The following UGT3A2 variants were observed in gnomAD, a reference collection of about 807,000 sequenced individuals.
UGT3A2 encodes the protein UDP-glycosyltransferase 3A2.
UGT3A2 carries 32 observed loss-of-function variants against 39.8 expected under a neutral mutation model. That is an observed-to-expected ratio of 0.80 (90% CI 0.61 to 1.08). UGT3A2 has a LOEUF of 1.08. UGT3A2 is among the 50% of genes least tolerant of loss of function. UGT3A2 has a pLI of 0.00. For missense variants in UGT3A2, 611 were observed against 637.1 expected (o/e 0.96, Z 0.44); for synonymous variants, 241 against 230.7 (o/e 1.04, Z -0.40).
At chr5:36,041,884 A>G (rs77007825) in intron 4 of UGT3A2, among the ~76,000 whole-genome samples, 6,057 of 152,190 alleles carry the variant, frequency 0.04, 191 homozygotes, top group East Asian at 0.12. Context: ...ATCCAGGAAA[A>G]CATGACTTCA....
chr5:36,061,565 T>C (rs1742705590), intron 2 of UGT3A2, among the ~76,000 whole-genome samples: 1 of 151,536 alleles, frequency 6.6e-6, no homozygotes, highest in South Asian at 2.1e-4. Flanking sequence ...ACAAAGGACA[T>C]GAACTCATCA....
chr5:36,064,760 TA>T (rs1229992377), intron 1 of UGT3A2, among the ~76,000 whole-genome samples: 9 of 152,302 alleles, frequency 5.9e-5, no homozygotes, highest in Admixed American at 1.3e-4. Flanking sequence ...GAATAGTTCC[TA>T]AAAAACAATG....
rs149589579 is a variant in UGT3A2, at chr5:36,064,590, G to A, written c.95-240C>T. Among the ~76,000 whole-genome samples the A allele has an allele frequency of 4.7e-4, 72 of 152,226 alleles. 1 individual carries two copies. Among genetic ancestry groups the A allele is most frequent in the African/African-American group, 1.6e-3 (65 of 41,518 alleles). ...TGAGAGATTGCCTCTTGTGAATCAC[G>A]GTATCCATGTCAGTGTAATGAGCTA... On this transcript the variant is annotated intron_variant, in intron 1 of 6. Transcript: ENST00000282507.
At chr5:36,046,123 C>T in intron 4 of UGT3A2, among the ~76,000 whole-genome samples, 1 of 152,130 alleles carries the variant, frequency 6.6e-6, no homozygotes, top group East Asian at 1.9e-4. Context: ...CAGGCAATAA[C>T]AAGGATGTGG....
intron 4 of UGT3A2, among the ~76,000 whole-genome samples, chr5:36,044,365 C>G (rs1403855642): frequency 1.3e-5 from 2 of 152,058 alleles, no homozygotes; most frequent in South Asian, 4.1e-4. Context: ...ATATATGACA[C>G]ACCCAAAGTT....
chr5:36,038,297 T>C (rs1741896542), intron 5 of UGT3A2, among the ~76,000 whole-genome samples: 2 of 152,224 alleles, frequency 1.3e-5, no homozygotes, highest in Admixed American at 1.3e-4. Flanking sequence ...CATACATCTC[T>C]CTGTCCATCC....
chr5:36,038,664 T>C lies in UGT3A2; in HGVS notation c.1076-648A>G, dbSNP rs544789013. On this transcript the variant is annotated intron_variant, in intron 5 of 6. Coordinates refer to ENST00000282507, the MANE Select transcript of UGT3A2 (RefSeq NM_174914.4). ...CACATCTCAACCTGGGTCACTCAAC[T>C]GCAATGTGCATCAGACTCCTTGTCT... Among the ~76,000 whole-genome samples the C allele has an allele frequency of 6.6e-5, 10 of 152,338 alleles. No homozygotes were observed. The South Asian group carries it at 1.9e-3, about 28-fold the overall frequency.
rs1220270859 is a variant in UGT3A2 at position 36,038,036 on chromosome 5, G to C, written c.1076-20C>G. 15 of 1,565,746 alleles carry C rather than the reference G, an allele frequency of 9.6e-6. No homozygotes were observed. The Admixed American group carries it at 1.4e-4, about 14-fold the overall frequency. On this transcript the variant is annotated intron_variant, in intron 5 of 6. Transcript: ENST00000282507. Reference sequence around the variant, plus strand: ...GGTGAGCTGTTGTAAATAAGAAAGAGGGTGGGACACTTCAGGATGAAAATT... The same window carrying C: ...GGTGAGCTGTTGTAAATAAGAAAGACGGTGGGACACTTCAGGATGAAAATT...
At position 36,049,306 on chromosome 5, in the gene UGT3A2, C is replaced by G. The variant is rs1277164564; in HGVS notation, c.426G>C (p.Val142=). The G allele has an allele frequency of 6.2e-7, 1 of 1,614,042 alleles. No homozygotes were observed. Among genetic ancestry groups the G allele is most frequent in the African/African-American group, 1.3e-5 (1 of 74,932 alleles). ...GACAGTAGTCAAAAGTTTCAACTAT[C>G]ACCATGTCGAAGTTCTCATTCTTTA... ...DSLKNENFDM[V]IVETFDYCPF... Residue 142 remains valine (V), a synonymous_variant, in exon 4 of 7, where the codon GTG becomes GTC. Coordinates refer to ENST00000282507, the MANE Select transcript of UGT3A2 (RefSeq NM_174914.4).
Position 36,035,824 on chromosome 5 carries a change from C to T in UGT3A2, c.1446G>A (p.Glu482=). 6.2e-7 allele frequency: 1 copy of T among 1,614,198 alleles called. No homozygotes were observed. The highest frequency in any genetic ancestry group is 8.5e-7 in the Non-Finnish European group (1 of 1,180,044). The change falls in exon 7 of 7, where the codon GAG becomes GAA. Residue 482 remains glutamate (E), a synonymous_variant. Coordinates refer to ENST00000282507, the MANE Select transcript of UGT3A2 (RefSeq NM_174914.4). ...KPYVFQQPWH[E]QYLLDVFVFL... is the part of the protein sequence containing the mutation. ...ACACAAAAACGTCGAGCAGGTACTG[C>T]TCATGCCAGGGCTGCTGAAAGACAT...
chr5:36,043,366 G>T (rs1245981294), intron 4 of UGT3A2, among the ~76,000 whole-genome samples: 3 of 151,920 alleles, frequency 2.0e-5, no homozygotes, highest in African/African-American at 7.2e-5. Flanking sequence ...CAAAACCTAT[G>T]AAATACAGTG....
rs767058715 is a variant in UGT3A2, at chr5:36,064,309, G to A, written c.136C>T (p.Leu46Phe). The change falls in exon 2 of 7, where the codon CTT (leucine) becomes TTT (phenylalanine). Residue 46 changes from leucine to phenylalanine, a missense_variant. By Grantham distance (22) the Leu-to-Phe change is conservative. Transcript: ENST00000282507. ...GTGACATTATGACCGTGATCTTGAA[G>A]AATCTGAGAAACCCGGTCCATCAGT... is the stretch of plus-strand genomic sequence containing the variant. ...YLLMDRVSQI[L>F]QDHGHNVTML... 7 of 1,614,206 alleles carry A rather than the reference G, an allele frequency of 4.3e-6. No individual in the cohort carries two copies. Among genetic ancestry groups the A allele is most frequent in the Non-Finnish European group, 5.9e-6 (7 of 1,180,036 alleles).
intron 3 of UGT3A2, among the ~76,000 whole-genome samples, chr5:36,050,847 A>G (rs1027363751): frequency 6.4e-5 from 9 of 141,542 alleles, no homozygotes; most frequent in Non-Finnish European, 1.2e-4. Flanking sequence ...GGGCAACAAG[A>G]GCAAAACTCC....
chr5:36,039,054 G>A (rs1223149516), intron 5 of UGT3A2, among the ~76,000 whole-genome samples: 1 of 152,248 alleles, frequency 6.6e-6, no homozygotes, highest in Non-Finnish European at 1.5e-5. Flanking sequence ...GTGTGGATGT[G>A]TGTTTGTGTA....
chr5:36,036,246 T>C (rs1741826315), intron 6 of UGT3A2, among the ~76,000 whole-genome samples: 1 of 152,204 alleles, frequency 6.6e-6, no homozygotes, highest in African/African-American at 2.4e-5. Flanking sequence ...CTAGGAAAAT[T>C]ATATATGATG....
At position 36,066,693 on chromosome 5, in the gene UGT3A2, C is replaced by T. The variant is rs1742890457; in HGVS notation, c.94+3G>A. 6.2e-7 allele frequency: 1 copy of T among 1,614,034 alleles called. No homozygotes were observed. Among genetic ancestry groups the T allele is most frequent in the Non-Finnish European group, 8.5e-7 (1 of 1,180,018 alleles). Reference sequence around the variant, plus strand: ...TCTGGGAATTCTCCGGCCAAGCACTCACCTACTGTAGATATTGTCAGGATT... The same window carrying T: ...TCTGGGAATTCTCCGGCCAAGCACTTACCTACTGTAGATATTGTCAGGATT... On this transcript the variant is annotated splice_donor_region_variant and intron_variant, in intron 1 of 6. Coordinates refer to ENST00000282507, the MANE Select transcript of UGT3A2 (RefSeq NM_174914.4).
At chr5:36,045,757 A>T (rs554172507) in intron 4 of UGT3A2, among the ~76,000 whole-genome samples, 1 of 152,310 alleles carries the variant, frequency 6.6e-6, no homozygotes, top group African/African-American at 2.4e-5. Context: ...AGGCAACCAA[A>T]GGAAAAATGG....
chr5:36,035,990 G>C lies in UGT3A2; in HGVS notation c.1296-16C>G, dbSNP rs1196155794. 1 of 1,610,300 alleles carries C rather than the reference G, an allele frequency of 6.2e-7. No individual in the cohort carries two copies. The highest frequency in any genetic ancestry group is 1.1e-5 in the South Asian group (1 of 90,982). On this transcript the variant is annotated splice_polypyrimidine_tract_variant and intron_variant, in intron 6 of 6. Coordinates refer to ENST00000282507, the MANE Select transcript of UGT3A2 (RefSeq NM_174914.4). ...GGACTTGTATCTGTTGAGAGAGATA[G>C]AGAGGGGGCATTACTAATGTGACCT...
chr5:36,060,048 C>T (rs1742638910), intron 2 of UGT3A2, among the ~76,000 whole-genome samples: 1 of 152,160 alleles, frequency 6.6e-6, no homozygotes, highest in South Asian at 2.1e-4. Flanking sequence ...ACATCAACCC[C>T]CATGACATGC....
Sources: allele counts gnomAD v4.1 joint callset (sites outside exome capture counted in the v4.1 genomes callset), GRCh38; gene constraint gnomAD v4.1.1; transcripts MANE v1.5; gene names NCBI Gene and HGNC (gene_info 2026-07-23, HGNC 2026-07-21).